Variants in SLC24A3 observed in about 807,000 individuals in gnomAD.
The protein encoded by SLC24A3 is solute carrier family 24 member 3, also known as sodium/potassium/calcium exchanger 3.
Under a neutral mutation model 75.8 loss-of-function variants are expected in SLC24A3, and 28 were observed. The ratio of observed to expected loss-of-function variants is 0.37; its 90% CI spans 0.27 to 0.51. SLC24A3 has a LOEUF of 0.51. Among genes scored for constraint, SLC24A3 ranks in the 20% least tolerant of loss-of-function variants. The probability of loss-of-function intolerance (pLI) is 0.94; values close to 1 mark genes in which losing one functional copy is unlikely to be tolerated. For missense variants in SLC24A3, 663 were observed against 847.8 expected (o/e 0.78, Z 2.71); for synonymous variants, 372 against 334.1 (o/e 1.11, Z -1.24).
At chr20:19,552,692 TC>T (rs1221082770) in intron 3 of SLC24A3, among the ~76,000 whole-genome samples, 2 of 152,208 alleles carry the variant, frequency 1.3e-5, no homozygotes, top group Non-Finnish European at 2.9e-5. Flanking sequence ...TTCAAAAGAT[TC>T]TTTTTTTCCT....
intron 3 of SLC24A3, among the ~76,000 whole-genome samples, chr20:19,562,969 G>A (rs1290142103): frequency 1.3e-5 from 2 of 152,162 alleles, no homozygotes; most frequent in African/African-American, 2.4e-5. Context: ...GCAGCTGGGT[G>A]CACAAAGCTA....
chr20:19,282,805 G>A (rs369844202), intron 2 of SLC24A3, among the ~76,000 whole-genome samples: 1 of 152,176 alleles, frequency 6.6e-6, no homozygotes, highest in African/African-American at 2.4e-5. Flanking sequence ...GGTGTGTTTT[G>A]GGGGCAGGTG....
At chr20:19,310,389 A>G (rs914869927) in intron 2 of SLC24A3, among the ~76,000 whole-genome samples, 1 of 152,210 alleles carries the variant, frequency 6.6e-6, no homozygotes, top group African/African-American at 2.4e-5. Context: ...GTGCTGAGCT[A>G]GTGTATGTTC....
At chr20:19,437,599 G>A (rs1051014150) in intron 2 of SLC24A3, among the ~76,000 whole-genome samples, 2 of 152,206 alleles carry the variant, frequency 1.3e-5, no homozygotes, top group African/African-American at 4.8e-5. Flanking sequence ...CCCATGAGGA[G>A]GTGGGAAGAA....
At chr20:19,213,551 G>C (rs2122930306) in intron 1 of SLC24A3, 1 of 152,380 alleles carries the variant, frequency 6.6e-6, no homozygotes, top group Admixed American at 6.5e-5. Flanking sequence ...GGGCTAGTAG[G>C]GGACTTGTTC....
intron 2 of SLC24A3, among the ~76,000 whole-genome samples, chr20:19,343,228 C>T (rs1985316065): frequency 6.6e-6 from 1 of 151,960 alleles, no homozygotes; most frequent in Non-Finnish European, 1.5e-5. Context: ...AGATGGCTGA[C>T]TGGTTATCAA....
intron 16 of SLC24A3, 31 bp from the exon 17 acceptor site, chr20:19,720,960 G>A (rs1470685929): frequency 6.2e-7 from 1 of 1,610,496 alleles, no homozygotes; most frequent in Non-Finnish European, 8.5e-7. Context: ...CCTCCTCCTG[G>A]TGCCCTCTGA....
chr20:19,689,825 G>A (rs1173714396), intron 12 of SLC24A3, among the ~76,000 whole-genome samples: 1 of 152,136 alleles, frequency 6.6e-6, no homozygotes, highest in African/African-American at 2.4e-5. Context: ...GAGTTCAGGA[G>A]TTGGAGACCA....
intron 1 of SLC24A3, among the ~76,000 whole-genome samples, chr20:19,231,427 G>T (rs917769013): frequency 6.6e-6 from 1 of 152,162 alleles, no homozygotes; most frequent in African/African-American, 2.4e-5. Context: ...GGTGGGCTCC[G>T]TGCAATCACA....
chr20:19,408,073 T>TA (rs1158865107), intron 2 of SLC24A3, among the ~76,000 whole-genome samples: 1 of 152,180 alleles, frequency 6.6e-6, no homozygotes, highest in Non-Finnish European at 1.5e-5. Flanking sequence ...CTTACCTCAA[T>TA]AAAATGTGGG....
chr20:19,361,072 C>T (rs765888533), intron 2 of SLC24A3, among the ~76,000 whole-genome samples: 8 of 152,220 alleles, frequency 5.3e-5, no homozygotes, highest in Non-Finnish European at 1.2e-4. Flanking sequence ...CGTGATCCAC[C>T]TGCCTTGGCC....
At chr20:19,332,042 C>T (rs1985011693) in intron 2 of SLC24A3, among the ~76,000 whole-genome samples, 1 of 152,144 alleles carries the variant, frequency 6.6e-6, no homozygotes, top group Admixed American at 6.5e-5. Flanking sequence ...CACAGAAGGA[C>T]ATTGCAGCTG....
At chr20:19,568,524 A>G (rs546165284) in intron 3 of SLC24A3, among the ~76,000 whole-genome samples, 35 of 152,360 alleles carry the variant, frequency 2.3e-4, no homozygotes, top group African/African-American at 7.9e-4. Context: ...AGGAAATATC[A>G]TATGATTTTA....
chr20:19,507,100 A>G (rs531207510), intron 2 of SLC24A3, among the ~76,000 whole-genome samples: 35 of 152,354 alleles, frequency 2.3e-4, no homozygotes, highest in African/African-American at 7.7e-4. Context: ...ATGTACTTTC[A>G]CACAGATTCT....
intron 2 of SLC24A3, among the ~76,000 whole-genome samples, chr20:19,437,408 T>G (rs1303141741): frequency 2.0e-5 from 3 of 152,218 alleles, no homozygotes; most frequent in African/African-American, 7.2e-5. Flanking sequence ...CCACCATGAT[T>G]GTAGTTTTCT....
chr20:19,351,362 C>T (rs765741596), intron 2 of SLC24A3, among the ~76,000 whole-genome samples: 2 of 152,180 alleles, frequency 1.3e-5, no homozygotes, highest in African/African-American at 4.8e-5. Context: ...ACAGTATCAT[C>T]GCCTGCCTGT....
intron 2 of SLC24A3, among the ~76,000 whole-genome samples, chr20:19,485,146 T>C (rs980701730): frequency 5.3e-5 from 8 of 152,186 alleles, no homozygotes; most frequent in African/African-American, 1.9e-4. Flanking sequence ...GTGCAGCACT[T>C]TTACCCATCA....
At chr20:19,382,071 G>A (rs1484716893) in intron 2 of SLC24A3, among the ~76,000 whole-genome samples, 1 of 152,218 alleles carries the variant, frequency 6.6e-6, no homozygotes, top group African/African-American at 2.4e-5. Context: ...TAATGCAGAC[G>A]TTTGCCACGT....
chr20:19,604,415 G>A (rs139583293), intron 6 of SLC24A3, among the ~76,000 whole-genome samples: 13 of 152,294 alleles, frequency 8.5e-5, no homozygotes, highest in South Asian at 2.1e-4. Context: ...AGAGTGACTC[G>A]GTTAGGGGAA....
Sources: allele counts gnomAD v4.1 joint callset (sites outside exome capture counted in the v4.1 genomes callset), GRCh38; gene constraint gnomAD v4.1.1; transcripts MANE v1.5; gene names NCBI Gene and HGNC (gene_info 2026-07-23, HGNC 2026-07-21).